Variants in ARHGAP35 observed in about 807,000 individuals in gnomAD.
ARHGAP35 encodes rho GTPase-activating protein 35.
In ARHGAP35, 15 loss-of-function variants were observed where a neutral mutation model predicts 111.1. That is an observed-to-expected ratio of 0.13 (90% CI 0.09 to 0.21). ARHGAP35 has a LOEUF of 0.21. Among genes scored for constraint, ARHGAP35 ranks in the 10% least tolerant of loss-of-function variants. The pLI is 1.00. For synonymous variants in ARHGAP35, 643 were observed against 710.3 expected, an observed-to-expected ratio of 0.91 and a Z score of 1.51; for missense variants, 1,262 against 1,873.0, an observed-to-expected ratio of 0.67 and a Z score of 6.02.
intron 3 of ARHGAP35, among the ~76,000 whole-genome samples, chr19:46,957,213 G>A (rs1056841033): frequency 5.3e-5 from 8 of 151,482 alleles, no homozygotes; most frequent in East Asian, 2.0e-4. Flanking sequence ...CACCCGCCTC[G>A]GCCTCCCAAA....
At chr19:46,874,521 T>A (rs1014122418) in intron 1 of ARHGAP35, among the ~76,000 whole-genome samples, 28 of 148,508 alleles carry the variant, frequency 1.9e-4, no homozygotes, top group Non-Finnish European at 1.9e-4. Context: ...TTTTTTTTTT[T>A]GAGTCGGAGT....
chr19:46,944,199 T>TGA (rs1477226765), intron 3 of ARHGAP35, among the ~76,000 whole-genome samples: 1 of 150,850 alleles, frequency 6.6e-6, no homozygotes, highest in Non-Finnish European at 1.5e-5. Flanking sequence ...ACTCAGAGGC[T>TGA]GAGGTAGGAG....
intron 2 of ARHGAP35, among the ~76,000 whole-genome samples, chr19:46,929,489 G>A (rs1439447982): frequency 2.0e-5 from 3 of 151,448 alleles, no homozygotes; most frequent in Admixed American, 2.0e-4. Context: ...AGCCATGGGT[G>A]TGACCCTCTG....
At chr19:46,872,951 A>G (rs1168878097) in intron 1 of ARHGAP35, among the ~76,000 whole-genome samples, 1 of 152,178 alleles carries the variant, frequency 6.6e-6, no homozygotes, top group African/African-American at 2.4e-5. Context: ...TACATACCAG[A>G]AGACTAAAAA....
chr19:46,971,332 G>A (rs1320566204), intron 3 of ARHGAP35, among the ~76,000 whole-genome samples: 9 of 151,860 alleles, frequency 5.9e-5, no homozygotes, highest in Admixed American at 5.9e-4. Flanking sequence ...CTTGAACCCG[G>A]GAGGCAGAGG....
In ARHGAP35 at chr19:46,922,115, G is replaced by A; in HGVS notation, c.3440G>A (p.Arg1147His). 9 of 1,614,032 alleles carry A rather than the reference G, an allele frequency of 5.6e-6. No homozygotes were observed. Among genetic ancestry groups the A allele is most frequent in the Non-Finnish European group, 7.6e-6 (9 of 1,179,902 alleles). Residue 1147 changes from arginine to histidine, a missense_variant, in exon 2 of 7, where the codon CGC becomes CAC. This residue lies in a region of ARHGAP35 where 579 missense variants were observed against 716.9 expected (regional missense o/e 0.81). Transcript: ENST00000672722. The surrounding 1 kb of genome is among the most constrained non-coding windows in gnomAD (Gnocchi z 4.0). ...EMDTSSLERG[R>H]KVSIVSKPVL... Reference sequence around the variant, plus strand: ...GACACCAGCTCTCTAGAGCGAGGGCGCAAGGTTTCCATCGTGAGCAAGCCA... The same window carrying A: ...GACACCAGCTCTCTAGAGCGAGGGCACAAGGTTTCCATCGTGAGCAAGCCA...
chr19:46,953,929 A>C (rs1414539402), intron 3 of ARHGAP35, among the ~76,000 whole-genome samples: 2 of 152,092 alleles, frequency 1.3e-5, no homozygotes, highest in East Asian at 3.9e-4. Context: ...TTCCTCTCCC[A>C]TCTAACACAT....
At chr19:46,976,762 G>A (rs147167602) in intron 3 of ARHGAP35, among the ~76,000 whole-genome samples, 56 of 152,298 alleles carry the variant, frequency 3.7e-4, no homozygotes, top group African/African-American at 1.3e-3. Flanking sequence ...ACCCACTCTC[G>A]GCTGCAGGAC....
At chr19:46,955,631 G>A (rs557837483) in intron 3 of ARHGAP35, among the ~76,000 whole-genome samples, 3 of 152,090 alleles carry the variant, frequency 2.0e-5, no homozygotes, top group South Asian at 4.2e-4. Flanking sequence ...TCCATCACCC[G>A]GGCTGGAGTG....
At chr19:46,873,651 G>T (rs2055899981) in intron 1 of ARHGAP35, among the ~76,000 whole-genome samples, 1 of 136,858 alleles carries the variant, frequency 7.3e-6, no homozygotes, top group Non-Finnish European at 1.6e-5. Context: ...AAAAAAAAAA[G>T]CCGTCGGTCA....
intron 1 of ARHGAP35, among the ~76,000 whole-genome samples, chr19:46,894,861 A>AT (rs2056045277): frequency 1.3e-5 from 2 of 152,044 alleles, no homozygotes; most frequent in South Asian, 4.1e-4. Flanking sequence ...GATTTTCTAG[A>AT]TTTTCACCTA....
In ARHGAP35 at chr19:46,921,339, C is replaced by T. The variant is rs758937587; in HGVS notation, c.2664C>T (p.Leu888=). 2 of 1,613,926 alleles carry T rather than the reference C, an allele frequency of 1.2e-6. No individual in the cohort carries two copies. Among genetic ancestry groups the T allele is most frequent in the East Asian group, 4.5e-5 (2 of 44,878 alleles). ...QDIIPIQLVA[L]TDGAVDVLDN... The stretch of plus-strand genomic sequence containing the variant: ...TTATCCCTATTCAGCTTGTAGCACT[C>T]ACTGATGGCGCTGTAGATGTCCTGG... Residue 888 remains leucine (L), a synonymous_variant, in exon 2 of 7, where the codon CTC becomes CTT. Coordinates refer to ENST00000672722, the MANE Select transcript of ARHGAP35 (RefSeq NM_004491.5). This position sits in a 1 kb window ranked among gnomAD's most constrained non-coding sequence, Gnocchi z 4.3.
At chr19:46,868,833 A>G (rs551226755) in intron 1 of ARHGAP35, among the ~76,000 whole-genome samples, 114 of 152,180 alleles carry the variant, frequency 7.5e-4, no homozygotes, top group Non-Finnish European at 1.3e-3. Context: ...AAAAATTAAA[A>G]GAAACATACA....
intron 3 of ARHGAP35, among the ~76,000 whole-genome samples, chr19:46,943,482 A>G (rs2056361491): frequency 6.6e-6 from 1 of 152,186 alleles, no homozygotes; most frequent in Admixed American, 6.5e-5. Flanking sequence ...ACTGACAGAT[A>G]GTGGGCTTGC....
chr19:46,867,267 G>A (rs2055863218), intron 1 of ARHGAP35, among the ~76,000 whole-genome samples: 1 of 152,100 alleles, frequency 6.6e-6, no homozygotes, highest in Admixed American at 6.5e-5. Context: ...TTCTTTTTAT[G>A]TACTTTGCAG....
In ARHGAP35 at chr19:46,937,395, C is replaced by T. The variant is rs1293108179; in HGVS notation, c.3813C>T (p.Tyr1271=). The T allele has an allele frequency of 2.5e-6, 4 of 1,613,876 alleles. No homozygotes were observed. The highest frequency in any genetic ancestry group is 3.4e-6 in the Non-Finnish European group (4 of 1,179,820). Reference sequence around the variant, plus strand: ...TTTTTATTGAAAGATGTATTGAGTACATTGAAGCCACAGGTAAGAGTATTA... The same window carrying T: ...TTTTTATTGAAAGATGTATTGAGTATATTGAAGCCACAGGTAAGAGTATTA... ...IPIFIERCIE[Y]IEATGLSTEG... is the part of the protein sequence containing the mutation. Residue 1271 remains tyrosine, a synonymous_variant, in exon 3 of 7, where the codon TAC becomes TAT. Transcript: ENST00000672722.
chr19:46,989,577 C>T lies in ARHGAP35; in HGVS notation c.3938C>T (p.Thr1313Met). Residue 1313 changes from threonine (T) to methionine (M), a missense_variant, in exon 5 of 7, where the codon ACG becomes ATG. Physicochemically the swap from Thr to Met is moderately conservative, Grantham distance 81. This residue lies in a region of ARHGAP35 where 45 missense variants were observed against 118.2 expected (regional missense o/e 0.38). Coordinates refer to ENST00000672722, the MANE Select transcript of ARHGAP35 (RefSeq NM_004491.5). This position sits in a 1 kb window ranked among gnomAD's most constrained non-coding sequence, Gnocchi z 5.3. ...HNLDLAEKDF[T>M]VNTVAGAMKS... Reference sequence around the variant, plus strand: ...CTGGACCTGGCAGAGAAAGACTTTACGGTGAATACCGTGGCTGGTGCCATG... The same window carrying T: ...CTGGACCTGGCAGAGAAAGACTTTATGGTGAATACCGTGGCTGGTGCCATG... The T allele has an allele frequency of 1.9e-6, 3 of 1,613,944 alleles. No homozygotes were observed. The highest frequency in any genetic ancestry group is 2.5e-6 in the Non-Finnish European group (3 of 1,179,854).
Position 46,989,365 on chromosome 19 carries a change from C to A in ARHGAP35, c.3905-179C>A, listed in dbSNP as rs867163924. On this transcript the variant is annotated intron_variant, in intron 4 of 6. Transcript: ENST00000672722. The surrounding 1 kb of genome is among the most constrained non-coding windows in gnomAD (Gnocchi z 5.3). ...TCGGAAAGAGGTGCTGGGGCCAGCC[C>A]ATGCCTGAACCTCAGAACTCGCGTT... The A allele has an allele frequency of 7.0e-6, 5 of 711,946 alleles. No homozygotes were observed. The highest frequency in any genetic ancestry group is 1.1e-5 in the Non-Finnish European group (5 of 445,758). 44.1% of individuals were successfully genotyped at this position (711,946 alleles called of 1,614,324 possible).
Position 47,000,613 on chromosome 19 carries a change from G to A in ARHGAP35, c.4425G>A (p.Gln1475=), listed in dbSNP as rs763728168. ...TCACAAGTCAGCCGTCGCCCCCACA[G>A]TCGCCTCCACCCACCCCCCAGTCCC... The part of the protein sequence containing the change: ...TPVTSQPSPP[Q]SPPPTPQSPM... Residue 1475 remains glutamine (Q), a synonymous_variant, in exon 7 of 7, where the codon CAG becomes CAA. Transcript: ENST00000672722. The surrounding 1 kb of genome is among the most constrained non-coding windows in gnomAD (Gnocchi z 6.9). 3 of 1,611,362 alleles carry A rather than the reference G, an allele frequency of 1.9e-6. No homozygotes were observed. The highest frequency in any genetic ancestry group is 3.3e-5 in the Admixed American group (2 of 59,814).
Sources: gnomAD v4.1 joint callset for allele counts (sites outside exome capture counted in the v4.1 genomes callset) on GRCh38, gnomAD v4.1.1 for gene constraint, gnomAD v4.1.1 regional missense constraint, Gnocchi (gnomAD v3.1) non-coding constraint, MANE v1.5 for transcripts, NCBI Gene and HGNC (gene_info 2026-07-23, HGNC 2026-07-21) for gene names.